Variants in SHB observed in about 807,000 individuals in gnomAD.
The protein encoded by SHB is SH2 domain containing adaptor protein B, also known as SH2 domain-containing adapter protein B.
SHB carries 20 observed loss-of-function variants against 52.3 expected under a neutral mutation model. The ratio of observed to expected loss-of-function variants is 0.38; its 90% CI spans 0.27 to 0.56. The LOEUF (loss-of-function observed/expected upper bound fraction) is 0.56, where lower values mean the gene tolerates loss of function less well. Among genes scored for constraint, SHB ranks in the 20% least tolerant of loss-of-function variants. The probability of loss-of-function intolerance (pLI) is 0.71; values close to 1 mark genes in which losing one functional copy is unlikely to be tolerated. For missense variants in SHB, 825 were observed against 723.3 expected, an observed-to-expected ratio of 1.14 and a Z score of -1.61; for synonymous variants, 397 against 316.5, an observed-to-expected ratio of 1.25 and a Z score of -2.70.
intron 4 of SHB, 60 bp downstream of exon 4, chr9:37,955,823 G>A: frequency 6.6e-7 from 1 of 1,520,938 alleles, no homozygotes; most frequent in South Asian, 1.2e-5. Flanking sequence ...TGACATGAAA[G>A]AGAGGGCAAA....
At chr9:37,941,560 G>C (rs1200736519) in intron 5 of SHB, among the ~76,000 whole-genome samples, 1 of 152,222 alleles carries the variant, frequency 6.6e-6, no homozygotes, top group East Asian at 1.9e-4. Flanking sequence ...TGCAACCACT[G>C]CTGAGCAGTG....
At chr9:37,942,057 C>T (rs1832440591) in intron 5 of SHB, among the ~76,000 whole-genome samples, 1 of 152,212 alleles carries the variant, frequency 6.6e-6, no homozygotes, top group South Asian at 2.1e-4. Context: ...AAAACTCTCT[C>T]CTTTGCTATA....
At chr9:37,979,511 G>T (rs1055396723) in intron 2 of SHB, among the ~76,000 whole-genome samples, 1 of 151,996 alleles carries the variant, frequency 6.6e-6, no homozygotes, top group Non-Finnish European at 1.5e-5. Flanking sequence ...GGCTGGGGAA[G>T]AGAGCAGGCA....
Position 38,068,343 on chromosome 9 carries a change from C to T in SHB, c.303G>A (p.Ser101=), listed in dbSNP as rs754403848. 84 of 1,552,490 alleles carry T rather than the reference C, an allele frequency of 5.4e-5. No homozygotes were observed. The highest frequency in any genetic ancestry group is 6.8e-5 in the Non-Finnish European group (79 of 1,154,528). ...DFEDPYNGPG[S]SLRKLRAMCR... is the part of the protein sequence containing the mutation. ...ACATGGCGCGCAGTTTGCGCAGCGA[C>T]GAGCCAGGCCCGTTGTAGGGGTCCT... Residue 101 remains serine (S), a synonymous_variant, in exon 1 of 6, where the codon TCG becomes TCA. Coordinates refer to ENST00000377707, the MANE Select transcript of SHB (RefSeq NM_003028.3).
rs193029320 is a variant in SHB at position 37,974,814 on chromosome 9, G to A, written c.862C>T (p.Arg288Trp). The change falls in exon 3 of 6, where the codon CGG becomes TGG. Residue 288 changes from arginine (R) to tryptophan (W), a missense_variant. Coordinates refer to ENST00000377707, the MANE Select transcript of SHB (RefSeq NM_003028.3). ...MTEFQRQESV[R>W]SQHKGIQLYD... ...AACTGGATACCTTTATGCTGGGACC[G>A]GACACTTTCCTGCCTCTGAAATTCT... 3.0e-5 allele frequency: 48 copies of A among 1,613,954 alleles called. No homozygotes were observed. In the African/African-American group the frequency reaches 3.3e-4, roughly 11 times the overall value.
chr9:37,947,422 C>T (rs1236005959), intron 5 of SHB, among the ~76,000 whole-genome samples: 2 of 152,284 alleles, frequency 1.3e-5, no homozygotes, highest in South Asian at 2.1e-4. Context: ...CATTGTCTGC[C>T]CACAAGTCCC....
intron 5 of SHB, among the ~76,000 whole-genome samples, chr9:37,934,356 G>A (rs1832345335): frequency 1.3e-5 from 2 of 152,210 alleles, no homozygotes; most frequent in Non-Finnish European, 2.9e-5. Flanking sequence ...GGAGTGCAGT[G>A]GCACATTCAT....
At chr9:38,063,100 C>T (rs144340954) in intron 1 of SHB, among the ~76,000 whole-genome samples, 5 of 152,186 alleles carry the variant, frequency 3.3e-5, no homozygotes, top group African/African-American at 9.7e-5. Context: ...GGATTTGATA[C>T]GCAGCATTTC....
At chr9:37,920,202 C>G (rs549672037) in intron 5 of SHB, among the ~76,000 whole-genome samples, 198 bp from the exon 6 acceptor site, 10 of 152,176 alleles carry the variant, frequency 6.6e-5, no homozygotes, top group Non-Finnish European at 1.2e-4. Context: ...CGGCATCTGA[C>G]CCGGAACCAG....
chr9:38,008,220 G>A (rs983536363), intron 2 of SHB, among the ~76,000 whole-genome samples: 2 of 152,102 alleles, frequency 1.3e-5, no homozygotes, highest in Non-Finnish European at 2.9e-5. Flanking sequence ...CAGTGTCAGG[G>A]GTCAAAGACA....
chr9:38,068,517 G>C lies in SHB; in HGVS notation c.129C>G (p.Ala43=), dbSNP rs1587274654. ...AGGCGGCGGAGGAGGCCTGCGGCAC[G>C]GCCTGGGGGGGCTGCGAAGGCCGCT... ...RGERPSQPPQ[A]VPQASSAASA... is the part of the protein sequence containing the mutation. Residue 43 remains alanine (A), a synonymous_variant, in exon 1 of 6, where the codon GCC becomes GCG. Transcript: ENST00000377707. 1 of 1,446,582 alleles carries C rather than the reference G, an allele frequency of 6.9e-7. No homozygotes were observed. Among genetic ancestry groups the C allele is most frequent in the South Asian group, 1.4e-5 (1 of 71,090 alleles). 89.6% of individuals were successfully genotyped at this position (1,446,582 alleles called of 1,614,324 possible).
intron 5 of SHB, among the ~76,000 whole-genome samples, chr9:37,947,400 A>C (rs1250043650): frequency 6.6e-6 from 1 of 152,130 alleles, no homozygotes; most frequent in Non-Finnish European, 1.5e-5. Context: ...GCAGAGCTGG[A>C]ATCTGTCTAT....
At chr9:37,957,913 TG>T (rs1832653664) in intron 3 of SHB, among the ~76,000 whole-genome samples, 1 of 152,108 alleles carries the variant, frequency 6.6e-6, no homozygotes, top group African/African-American at 2.4e-5. Context: ...TCAAGGGCCC[TG>T]GGGTGGGACT....
intron 5 of SHB, among the ~76,000 whole-genome samples, chr9:37,934,920 G>A (rs537203890): frequency 2.6e-5 from 4 of 152,236 alleles, no homozygotes; most frequent in East Asian, 1.9e-4. Flanking sequence ...CCCCCTGCAC[G>A]TCTGCAAGTA....
intron 1 of SHB, among the ~76,000 whole-genome samples, chr9:38,039,415 C>A (rs918862868): frequency 6.6e-6 from 1 of 152,268 alleles, no homozygotes; most frequent in Non-Finnish European, 1.5e-5. Flanking sequence ...GTGCTGCTGC[C>A]ACTTCAAGTT....
intron 2 of SHB, among the ~76,000 whole-genome samples, chr9:37,986,107 G>C (rs1408539427): frequency 6.6e-6 from 1 of 152,210 alleles, no homozygotes; most frequent in Non-Finnish European, 1.5e-5. Context: ...AAACTTCAGG[G>C]AGGATGTGGC....
chr9:37,927,215 A>C (rs1483513868), intron 5 of SHB, among the ~76,000 whole-genome samples: 1 of 152,130 alleles, frequency 6.6e-6, no homozygotes, highest in Non-Finnish European at 1.5e-5. Context: ...CTTCTAGCTG[A>C]GATGTTCTAA....
At chr9:38,006,257 T>C (rs971960178) in intron 2 of SHB, among the ~76,000 whole-genome samples, 5 of 152,230 alleles carry the variant, frequency 3.3e-5, no homozygotes, top group East Asian at 1.9e-4. Context: ...CTCGGAACCA[T>C]AGAACCTGTC....
At chr9:38,057,699 G>A (rs1399075734) in intron 1 of SHB, among the ~76,000 whole-genome samples, 1 of 152,210 alleles carries the variant, frequency 6.6e-6, no homozygotes, top group Non-Finnish European at 1.5e-5. Flanking sequence ...AGATGGTAAA[G>A]TTTCACTGTT....
Sources: allele counts gnomAD v4.1 joint callset (sites outside exome capture counted in the v4.1 genomes callset), GRCh38; gene constraint gnomAD v4.1.1; transcripts MANE v1.5; gene names NCBI Gene and HGNC (gene_info 2026-07-23, HGNC 2026-07-21).